Variants in FKTN observed in about 807,000 individuals in gnomAD.
The protein encoded by FKTN is ribitol-5-phosphate transferase FKTN.
FKTN carries 47 observed loss-of-function variants against 58.6 expected under a neutral mutation model. The ratio of observed to expected loss-of-function variants is 0.80; its 90% CI spans 0.63 to 1.02. The LOEUF is 1.02. Ranked by LOEUF, FKTN falls within the 50% of genes least tolerant of loss-of-function variation. FKTN has a pLI of 0.00. For missense variants in FKTN, 516 were observed against 537.3 expected (o/e 0.96, Z 0.39); for synonymous variants, 178 against 191.9 (o/e 0.93, Z 0.60).
At chr9:105,629,542 T>C (rs1351620507) in intron 10 of FKTN, among the ~76,000 whole-genome samples, 1 of 152,232 alleles carries the variant, frequency 6.6e-6, no homozygotes, top group Non-Finnish European at 1.5e-5. Context: ...TCTAACTGGT[T>C]GTTGAAGTGC....
chr9:105,561,887 G>A (rs1228243781), intron 1 of FKTN, among the ~76,000 whole-genome samples: 1 of 151,902 alleles, frequency 6.6e-6, no homozygotes, highest in East Asian at 1.9e-4. Flanking sequence ...GTTGCTACTG[G>A]GATATTTTTG....
Position 105,601,162 on chromosome 9 carries a change from T to C in FKTN, c.183T>C (p.Phe61=). The C allele has an allele frequency of 6.2e-7, 1 of 1,603,038 alleles. No individual in the cohort carries two copies. The highest frequency in any genetic ancestry group is 2.2e-5 in the East Asian group (1 of 44,712). Residue 61 remains phenylalanine (F), a synonymous_variant, in exon 5 of 11, where the codon TTT becomes TTC. Coordinates refer to ENST00000357998, the MANE Select transcript of FKTN (RefSeq NM_001079802.2). ...DSTQWRAVKK[F]IMLTSNQNVP... ...TCAAACAGCGTGCAGTTAAAAAATT[T>C]ATTATGTTAACATCCAACCAAAATG...
At position 105,626,971 on chromosome 9, in the gene FKTN, C is replaced by T. The variant is rs1035767786; in HGVS notation, c.1172+6910C>T. ...ATATCTTCTCCCAATTTGTGCCTTT[C>T]TTCTTTATTCTTTTTTTTTTTTTTT... On this transcript the variant is annotated intron_variant, in intron 10 of 10. Transcript: ENST00000357998. Among the ~76,000 whole-genome samples the T allele has an allele frequency of 4.5e-5, 6 of 132,486 alleles. No individual in the cohort carries two copies. The East Asian group carries it at 8.9e-4, about 20-fold the overall frequency. The allele number at this position is 132,486 out of a possible 152,430, so 86.9% of individuals were successfully genotyped here.
intron 3 of FKTN, among the ~76,000 whole-genome samples, chr9:105,575,547 G>A (rs1425379458): frequency 6.6e-6 from 1 of 152,120 alleles, no homozygotes; most frequent in Non-Finnish European, 1.5e-5. Flanking sequence ...GAATAAAGTA[G>A]AGACAATGAT....
At position 105,601,264 on chromosome 9, in the gene FKTN, T is replaced by C. The variant is rs148046151; in HGVS notation, c.285T>C (p.His95=). 120 of 1,612,718 alleles carry C rather than the reference T, an allele frequency of 7.4e-5. No individual in the cohort carries two copies. In the African/African-American group the frequency reaches 1.5e-3, roughly 20 times the overall value. ...KNFEQVKNTS[H]GSTSQCKFFC... is the part of the protein sequence containing the mutation. ...TTGAACAAGTCAAAAATACTTCTCATGGCTCTACTTCACAATGCAAGTTTT... is the reference window on the plus strand; with the variant it reads ...TTGAACAAGTCAAAAATACTTCTCACGGCTCTACTTCACAATGCAAGTTTT... Residue 95 remains histidine (H), a synonymous_variant, in exon 5 of 11, where the codon CAT becomes CAC. Coordinates refer to ENST00000357998, the MANE Select transcript of FKTN (RefSeq NM_001079802.2).
intron 1 of FKTN, among the ~76,000 whole-genome samples, chr9:105,561,246 C>T (rs1443624156): frequency 6.6e-6 from 1 of 152,042 alleles, no homozygotes; most frequent in Non-Finnish European, 1.5e-5. Context: ...TGCACTCCAG[C>T]CTGGGTGACA....
rs1834126914 is a variant in FKTN at position 105,637,469 on chromosome 9, C to A, written c.*2205C>A. On this transcript the variant is annotated 3_prime_UTR_variant, in exon 11 of 11. Coordinates refer to ENST00000357998, the MANE Select transcript of FKTN (RefSeq NM_001079802.2). The stretch of plus-strand genomic sequence containing the variant: ...CCACCCTAACTTGGGGAAACAAAAG[C>A]CTTCTCTAGAATCTGAAGGCCAGGC... 1 of 985,324 alleles carries A rather than the reference C, an allele frequency of 1.0e-6. No individual in the cohort carries two copies. Among genetic ancestry groups the A allele is most frequent in the Admixed American group, 6.2e-5 (1 of 16,256 alleles). 61.0% of individuals were successfully genotyped at this position (985,324 alleles called of 1,614,324 possible). A position where few individuals can be genotyped will look rare whatever the true frequency, so the allele number is the denominator to read the frequency against.
chr9:105,593,129 T>TA (rs1220855956), intron 3 of FKTN, among the ~76,000 whole-genome samples: 1 of 152,202 alleles, frequency 6.6e-6, no homozygotes, highest in Non-Finnish European at 1.5e-5. Flanking sequence ...GGAAGCATGA[T>TA]ACTGGCATCT....
At chr9:105,601,106 G>T (rs779193044) in intron 4 of FKTN, 39 bp from the exon 5 acceptor site, 1 of 1,156,482 alleles carries the variant, frequency 8.6e-7, no homozygotes, top group Admixed American at 1.8e-5. Flanking sequence ...TGTTGTGTTG[G>T]CTTACTGGAA....
intron 3 of FKTN, among the ~76,000 whole-genome samples, chr9:105,578,599 A>G (rs546812134): frequency 6.6e-5 from 10 of 151,592 alleles, no homozygotes; most frequent in South Asian, 2.1e-4. Flanking sequence ...TTTTTGCATC[A>G]ATGTTCATCA....
rs530114068 is a variant in FKTN at position 105,636,607 on chromosome 9, T to C, written c.*1343T>C. 6.6e-5 allele frequency: 77 copies of C among 1,164,306 alleles called. No individual in the cohort carries two copies. The highest frequency in any genetic ancestry group is 2.5e-4 in the East Asian group (4 of 15,738). The allele number at this position is 1,164,306 out of a possible 1,614,324, so 72.1% of individuals were successfully genotyped here. ...TCTCTCTTATATCACTTGAATGATA[T>C]ATTGTAAGTGAGAGGTAAAGGAAAA... On this transcript the variant is annotated 3_prime_UTR_variant, in exon 11 of 11. Coordinates refer to ENST00000357998, the MANE Select transcript of FKTN (RefSeq NM_001079802.2).
chr9:105,609,251 T>C (rs2132942722), intron 7 of FKTN, among the ~76,000 whole-genome samples: 1 of 152,236 alleles, frequency 6.6e-6, no homozygotes, highest in South Asian at 2.1e-4. Context: ...ATTAATCTAA[T>C]AGACCTCATC....
intron 3 of FKTN, among the ~76,000 whole-genome samples, chr9:105,579,928 CTTT>C (rs1259279395): frequency 2.0e-5 from 3 of 151,750 alleles, no homozygotes; most frequent in Admixed American, 1.3e-4. Context: ...TAATGGCCTT[CTTT>C]GTCTCTTTTG....
Position 105,587,801 on chromosome 9 carries a change from A to G in FKTN, c.106-8797A>G, listed in dbSNP as rs373835381. ...GCCAGTTTTGATTATTAAGAATCACAGCTTTTCTACCATTTAAGGTCACAT... is the reference window on the plus strand; with the variant it reads ...GCCAGTTTTGATTATTAAGAATCACGGCTTTTCTACCATTTAAGGTCACAT... On this transcript the variant is annotated intron_variant, in intron 3 of 10. Transcript: ENST00000357998. Among the ~76,000 whole-genome samples the G allele has an allele frequency of 3.9e-5, 6 of 152,322 alleles. No homozygotes were observed. The East Asian group carries it at 9.6e-4, about 24-fold the overall frequency.
chr9:105,636,297 CTA>C lies in FKTN; in HGVS notation c.*1038_*1039del. The C allele has an allele frequency of 1.0e-6, 1 of 963,192 alleles. No individual in the cohort carries two copies. The highest frequency in any genetic ancestry group is 1.2e-6 in the Non-Finnish European group (1 of 809,766). 59.7% of individuals were successfully genotyped at this position (963,192 alleles called of 1,614,324 possible). A position where few individuals can be genotyped will look rare whatever the true frequency, so the allele number is the denominator to read the frequency against. ...CAGCTTCGTATCTCTAATTTATGGT[CTA>C]TATACCAATTTAAATGGCATGTAAA... On this transcript the variant is annotated 3_prime_UTR_variant, in exon 11 of 11. Transcript: ENST00000357998.
intron 1 of FKTN, among the ~76,000 whole-genome samples, chr9:105,568,124 C>T (rs1406298798): frequency 6.6e-6 from 1 of 152,062 alleles, no homozygotes; most frequent in Non-Finnish European, 1.5e-5. Context: ...TTCCTTACAC[C>T]TTATACAAAA....
intron 3 of FKTN, among the ~76,000 whole-genome samples, chr9:105,596,178 G>C (rs1056662506): frequency 1.3e-5 from 2 of 152,080 alleles, no homozygotes; most frequent in Non-Finnish European, 2.9e-5. Context: ...TCAAACACAC[G>C]AGCTCTTCAA....
At chr9:105,630,902 G>A (rs949195599) in intron 10 of FKTN, among the ~76,000 whole-genome samples, 2 of 152,140 alleles carry the variant, frequency 1.3e-5, no homozygotes, top group African/African-American at 4.8e-5. Context: ...GGGAGGCCGA[G>A]GCAGGTGGAT....
Position 105,636,072 on chromosome 9 carries a change from C to A in FKTN, c.*808C>A. The A allele has an allele frequency of 1.0e-6, 1 of 984,636 alleles. No individual in the cohort carries two copies. The highest frequency in any genetic ancestry group is 1.2e-6 in the Non-Finnish European group (1 of 829,290). The allele number at this position is 984,636 out of a possible 1,614,324, so 61.0% of individuals were successfully genotyped here. A position where few individuals can be genotyped will look rare whatever the true frequency, so the allele number is the denominator to read the frequency against. Reference sequence around the variant, plus strand: ...TACTAGACATGATCTTGAAAGAGGCCATGATTTCACAAAACTCATTTTTAT... The same window carrying A: ...TACTAGACATGATCTTGAAAGAGGCAATGATTTCACAAAACTCATTTTTAT... On this transcript the variant is annotated 3_prime_UTR_variant, in exon 11 of 11. Coordinates refer to ENST00000357998, the MANE Select transcript of FKTN (RefSeq NM_001079802.2).
Sources: gnomAD v4.1 joint callset for allele counts (sites outside exome capture counted in the v4.1 genomes callset) on GRCh38, gnomAD v4.1.1 for gene constraint, MANE v1.5 for transcripts, NCBI Gene and HGNC (gene_info 2026-07-23, HGNC 2026-07-21) for gene names.